Variants in ARHGEF7 observed in about 807,000 individuals in gnomAD.
ARHGEF7 encodes Rho guanine nucleotide exchange factor 7.
A neutral mutation model predicts 109.8 loss-of-function variants in ARHGEF7; 33 were observed. The observed-to-expected ratio is 0.30, with a 90% confidence interval of 0.23 to 0.40. The LOEUF is 0.40. Among genes scored for constraint, ARHGEF7 ranks in the 10% least tolerant of loss-of-function variants. The pLI is 1.00. For synonymous variants in ARHGEF7, 458 were observed against 424.6 expected (o/e 1.08, Z -0.97); for missense variants, 938 against 1,098.5 (o/e 0.85, Z 2.07).
At chr13:111,245,627 C>T (rs546869813) in intron 8 of ARHGEF7, among the ~76,000 whole-genome samples, 1 of 152,264 alleles carries the variant, frequency 6.6e-6, no homozygotes, top group East Asian at 1.9e-4. Flanking sequence ...CCACTACGCT[C>T]CTCACCTTCA....
chr13:111,240,167 T>G (rs2087517364), intron 6 of ARHGEF7, among the ~76,000 whole-genome samples: 1 of 152,212 alleles, frequency 6.6e-6, no homozygotes, highest in Admixed American at 6.5e-5. Context: ...CGGCTCTACC[T>G]GTCGCCATGC....
intron 2 of ARHGEF7, among the ~76,000 whole-genome samples, chr13:111,174,851 C>T (rs1213051085): frequency 3.9e-5 from 6 of 152,282 alleles, no homozygotes; most frequent in Middle Eastern, 3.4e-3. Flanking sequence ...CTCAGCTAGG[C>T]GTGCGAGGAC....
intron 12 of ARHGEF7, 116 bp from the exon 13 acceptor site, chr13:111,277,471 G>T: frequency 1.6e-6 from 1 of 625,672 alleles, no homozygotes; most frequent in Non-Finnish European, 2.8e-6. Flanking sequence ...ATACCTAAAC[G>T]AGAAATATCA....
At chr13:111,167,574 C>T (rs2077228072) in intron 2 of ARHGEF7, among the ~76,000 whole-genome samples, 1 of 152,196 alleles carries the variant, frequency 6.6e-6, no homozygotes. Flanking sequence ...GCATGTGTGA[C>T]ATGATATCCC....
At chr13:111,186,653 A>C (rs2079286749) in intron 2 of ARHGEF7, among the ~76,000 whole-genome samples, 1 of 152,258 alleles carries the variant, frequency 6.6e-6, no homozygotes, top group Non-Finnish European at 1.5e-5. Context: ...TGACAGTGAT[A>C]GGACAAAATT....
intron 1 of ARHGEF7, among the ~76,000 whole-genome samples, chr13:111,135,587 C>T (rs1367048059): frequency 6.6e-6 from 1 of 152,204 alleles, no homozygotes; most frequent in Admixed American, 6.5e-5. Context: ...CATTATTTGG[C>T]TCTCTGTTTG....
intron 13 of ARHGEF7, 88 bp downstream of exon 13, chr13:111,277,761 T>G (rs2092568311): frequency 2.2e-6 from 2 of 899,282 alleles, no homozygotes; most frequent in Non-Finnish European, 3.6e-6. Flanking sequence ...ATTACGTGTA[T>G]CTATCTGTGT....
intron 6 of ARHGEF7, among the ~76,000 whole-genome samples, chr13:111,237,849 G>T (rs1188858107): frequency 6.6e-6 from 1 of 152,222 alleles, no homozygotes; most frequent in Non-Finnish European, 1.5e-5. Flanking sequence ...TTGTGCTAGA[G>T]AATGGTTTCT....
chr13:111,151,971 C>T (rs1475311187), intron 1 of ARHGEF7, among the ~76,000 whole-genome samples: 1 of 151,958 alleles, frequency 6.6e-6, no homozygotes, highest in Non-Finnish European at 1.5e-5. Context: ...TGCTTGTGTC[C>T]ATATATGACT....
chr13:111,206,826 G>A (rs956586489), intron 3 of ARHGEF7, among the ~76,000 whole-genome samples: 3 of 151,886 alleles, frequency 2.0e-5, no homozygotes, highest in Non-Finnish European at 4.4e-5. Context: ...GCCAGGCGTG[G>A]TGGCGGGCAC....
At position 111,230,796 on chromosome 13, in the gene ARHGEF7, A is replaced by G. The variant is rs184612119; in HGVS notation, c.671-2409A>G. 7.2e-3 allele frequency among the ~76,000 whole-genome samples: 1,104 copies of G among 152,374 alleles called. 12 individuals are homozygous for G. Among genetic ancestry groups the G allele is most frequent in the African/African-American group, 0.025 (1,041 of 41,588 alleles). ...TCTTGACACCTTCCATTCAGCAGCC[A>G]GCAGAATTGGGAGCTCTTTTTTCCT... On this transcript the variant is annotated intron_variant, in intron 5 of 21. Coordinates refer to ENST00000646102, the MANE Select transcript of ARHGEF7 (RefSeq NM_001354046.2).
chr13:111,179,429 T>G (rs901362254), intron 2 of ARHGEF7, among the ~76,000 whole-genome samples: 1 of 152,126 alleles, frequency 6.6e-6, no homozygotes, highest in African/African-American at 2.4e-5. Flanking sequence ...GTAAGTCATG[T>G]TGTAGATCCC....
rs929182182 is a variant in ARHGEF7, at chr13:111,274,887, G to T, written c.1272+97G>T. The T allele has an allele frequency of 7.2e-6, 6 of 834,250 alleles. No individual in the cohort carries two copies. In the South Asian group the frequency reaches 1.1e-4, roughly 15 times the overall value. 51.7% of individuals were successfully genotyped at this position (834,250 alleles called of 1,614,324 possible). The stretch of plus-strand genomic sequence containing the variant: ...TGAAAAAGTCAAATGATTAAAAAAT[G>T]ACTTGTGCTGACATGAAAGAAAAAC... On this transcript the variant is annotated intron_variant, in intron 11 of 21. Transcript: ENST00000646102.
In ARHGEF7 at chr13:111,275,632, A is replaced by G; in HGVS notation, c.1373A>G (p.Asn458Ser). 1.2e-6 allele frequency: 2 copies of G among 1,614,192 alleles called. No homozygotes were observed. The highest frequency in any genetic ancestry group is 1.7e-4 in the Middle Eastern group (1 of 6,056). The change falls in exon 12 of 22, where the codon AAC becomes AGC. Residue 458 changes from asparagine (N) to serine (S), a missense_variant. Physicochemically the swap from Asn to Ser is conservative, Grantham distance 46. Coordinates refer to ENST00000646102, the MANE Select transcript of ARHGEF7 (RefSeq NM_001354046.2). ...WEGDDIKTLGNVTYMSQVLIQ... is the reference protein window; with the variant it reads ...WEGDDIKTLGSVTYMSQVLIQ... ...GGCGATGACATTAAAACTCTGGGCA[A>G]CGTCACTTACATGTCCCAGGTCCTG...
chr13:111,229,213 C>T (rs1172590878), intron 5 of ARHGEF7, among the ~76,000 whole-genome samples: 1 of 152,164 alleles, frequency 6.6e-6, no homozygotes, highest in Admixed American at 6.5e-5. Flanking sequence ...AAAGGATCTT[C>T]TCAAGGACTA....
chr13:111,234,496 C>A (rs1234377817), intron 6 of ARHGEF7, among the ~76,000 whole-genome samples: 1 of 152,190 alleles, frequency 6.6e-6, no homozygotes, highest in Non-Finnish European at 1.5e-5. Context: ...GTGCCTCTCC[C>A]CTCGCTGAGC....
intron 21 of ARHGEF7, 57 bp from the exon 22 acceptor site, chr13:111,302,934 G>A (rs1333156035): frequency 2.5e-6 from 4 of 1,601,212 alleles, no homozygotes; most frequent in Non-Finnish European, 3.4e-6. Context: ...TTTGGGGAAA[G>A]GAAGCCCTAC....
Position 111,273,191 on chromosome 13 carries a change from A to G in ARHGEF7, c.1074-623A>G, listed in dbSNP as rs758883910. Among the ~76,000 whole-genome samples the G allele has an allele frequency of 6.6e-6, 1 of 152,230 alleles. No individual in the cohort carries two copies. Among genetic ancestry groups the G allele is most frequent in the East Asian group, 1.9e-4 (1 of 5,196 alleles). ...AAATCAACATTCGCTGTCTGCACAC[A>G]GGGACCCCTTTCTTCCTCACGTATT... is the stretch of plus-strand genomic sequence containing the variant. On this transcript the variant is annotated intron_variant, in intron 9 of 21. Transcript: ENST00000646102. The surrounding 1 kb of genome is among the most constrained non-coding windows in gnomAD (Gnocchi z 4.5).
intron 2 of ARHGEF7, among the ~76,000 whole-genome samples, chr13:111,190,294 G>T (rs1347725601): frequency 1.3e-5 from 2 of 152,196 alleles, no homozygotes; most frequent in Admixed American, 6.5e-5. Flanking sequence ...CAACTCCAGA[G>T]GTTCGTATAA....
Sources: gnomAD v4.1 joint callset for allele counts (sites outside exome capture counted in the v4.1 genomes callset) on GRCh38, gnomAD v4.1.1 for gene constraint, Gnocchi (gnomAD v3.1) non-coding constraint, MANE v1.5 for transcripts, NCBI Gene and HGNC (gene_info 2026-07-23, HGNC 2026-07-21) for gene names.